Variants in PSTPIP2 observed in about 807,000 individuals in gnomAD.
The protein encoded by PSTPIP2 is proline-serine-threonine phosphatase-interacting protein 2.
Under a neutral mutation model 63.3 loss-of-function variants are expected in PSTPIP2, and 33 were observed. The ratio of observed to expected loss-of-function variants is 0.52; its 90% CI spans 0.40 to 0.70. The LOEUF (loss-of-function observed/expected upper bound fraction) is 0.70. Ranked by LOEUF, PSTPIP2 falls within the 30% of genes least tolerant of loss-of-function variation. The probability of loss-of-function intolerance (pLI) is 0.00; values close to 1 mark genes in which losing one functional copy is unlikely to be tolerated. For synonymous variants in PSTPIP2, 125 were observed against 132.7 expected, an observed-to-expected ratio of 0.94 and a Z score of 0.40; for missense variants, 312 against 400.7, an observed-to-expected ratio of 0.78 and a Z score of 1.89.
At chr18:46,064,615 T>C (rs889742055) in intron 1 of PSTPIP2, among the ~76,000 whole-genome samples, 2 of 151,934 alleles carry the variant, frequency 1.3e-5, no homozygotes. Flanking sequence ...GTCTGGTTTC[T>C]TAATGGAGTA....
intron 3 of PSTPIP2, among the ~76,000 whole-genome samples, chr18:46,023,741 C>T (rs1173991292): frequency 6.6e-6 from 1 of 151,942 alleles, no homozygotes. Flanking sequence ...GCTATCAACA[C>T]TTGCAGAGAC....
chr18:46,059,471 A>G (rs989881177), intron 1 of PSTPIP2, among the ~76,000 whole-genome samples: 1 of 151,728 alleles, frequency 6.6e-6, no homozygotes, highest in African/African-American at 2.4e-5. Context: ...CTGGTCTGGA[A>G]CTCCTGACCT....
chr18:46,038,862 C>A (rs1340906824), intron 2 of PSTPIP2, among the ~76,000 whole-genome samples: 9 of 152,156 alleles, frequency 5.9e-5, no homozygotes, highest in Non-Finnish European at 1.2e-4. Context: ...AGAGGCAGGG[C>A]GTGGTGGCTC....
intron 1 of PSTPIP2, among the ~76,000 whole-genome samples, chr18:46,063,102 A>C (rs559423908): frequency 6.6e-6 from 1 of 152,252 alleles, no homozygotes; most frequent in African/African-American, 2.4e-5. Context: ...GCATGGACTC[A>C]AGTGATCCTT....
intron 1 of PSTPIP2, among the ~76,000 whole-genome samples, chr18:46,050,262 G>A (rs1908540667): frequency 6.6e-6 from 1 of 152,174 alleles, no homozygotes; most frequent in Admixed American, 6.5e-5. Flanking sequence ...AGGATGTTCA[G>A]TGCAGCATCA....
At chr18:46,029,535 T>C (rs754845790) in intron 2 of PSTPIP2, 13 of 807,750 alleles carry the variant, frequency 1.6e-5, no homozygotes, top group South Asian at 1.6e-4. Flanking sequence ...GTGGTTCTAA[T>C]TGTGGAGCAG....
intron 2 of PSTPIP2, among the ~76,000 whole-genome samples, chr18:46,031,631 A>G (rs1907789127): frequency 6.6e-6 from 1 of 152,222 alleles, no homozygotes; most frequent in African/African-American, 2.4e-5. Context: ...TTTTACATGT[A>G]AAAAGATGTT....
At chr18:46,018,457 C>T (rs1330240924) in intron 3 of PSTPIP2, among the ~76,000 whole-genome samples, 5 of 152,010 alleles carry the variant, frequency 3.3e-5, no homozygotes, top group Non-Finnish European at 7.4e-5. Flanking sequence ...CAACTTCTGC[C>T]TCCTGGGTTC....
Position 46,011,024 on chromosome 18 carries a change from C to T in PSTPIP2, c.354+157G>A, listed in dbSNP as rs687526. The T allele has an allele frequency of 0.13, 82,026 of 640,544 alleles. 7,807 individuals carry two copies. The highest frequency in any genetic ancestry group is 0.41 in the East Asian group (15,135 of 37,334). The allele number at this position is 640,544 out of a possible 1,614,324, so 39.7% of individuals were successfully genotyped here. On this transcript the variant is annotated intron_variant, in intron 5 of 14. Transcript: ENST00000409746. The stretch of plus-strand genomic sequence containing the variant: ...CCTGGGGTGTAGAAATGCATATACC[C>T]ATCTGGACTGAGTCCCCATGTGGGG...
intron 2 of PSTPIP2, among the ~76,000 whole-genome samples, chr18:46,031,570 T>C (rs2144103029): frequency 6.6e-6 from 1 of 152,332 alleles, no homozygotes; most frequent in African/African-American, 2.4e-5. Context: ...GAATCTCTGT[T>C]CACTGTATCT....
intron 5 of PSTPIP2, among the ~76,000 whole-genome samples, chr18:46,009,405 G>A (rs1189544546): frequency 1.5e-5 from 2 of 136,680 alleles, no homozygotes; most frequent in African/African-American, 2.8e-5. Context: ...AGCTAAATAC[G>A]GAAGTGGTAA....
chr18:46,044,995 A>G (rs976890817), intron 1 of PSTPIP2, among the ~76,000 whole-genome samples: 8 of 152,242 alleles, frequency 5.3e-5, no homozygotes, highest in Admixed American at 2.6e-4. Flanking sequence ...CAATCTTTAA[A>G]AAGTCAGGAA....
At chr18:46,047,678 G>A (rs777973160) in intron 1 of PSTPIP2, among the ~76,000 whole-genome samples, 8 of 150,788 alleles carry the variant, frequency 5.3e-5, no homozygotes, top group African/African-American at 1.5e-4. Flanking sequence ...CAACAAGAGC[G>A]AAATTCCATC....
chr18:46,002,782 C>CA (rs893423000), intron 6 of PSTPIP2, among the ~76,000 whole-genome samples: 17 of 151,330 alleles, frequency 1.1e-4, no homozygotes, highest in Non-Finnish European at 2.2e-4. Flanking sequence ...ATTGTGAGAC[C>CA]CCCCCATCTC....
Position 45,997,822 on chromosome 18 carries a change from G to C in PSTPIP2, c.569C>G (p.Ala190Gly), listed in dbSNP as rs776666191. 1 of 1,603,372 alleles carries C rather than the reference G, an allele frequency of 6.2e-7. No individual in the cohort carries two copies. The highest frequency in any genetic ancestry group is 2.3e-5 in the East Asian group (1 of 44,368). ...CAGGGTGCCGATGTGCAGCATGTATGCTTTGTCTGCAACAGAAGGGAGAGA... is the reference window on the plus strand; with the variant it reads ...CAGGGTGCCGATGTGCAGCATGTATCCTTTGTCTGCAACAGAAGGGAGAGA... Reference protein sequence around the residue: ...SKTAVEDSDKAYMLHIGTLDK... With the variant: ...SKTAVEDSDKGYMLHIGTLDK... Residue 190 changes from alanine to glycine, a missense_variant, in exon 9 of 15, where the codon GCA becomes GGA. Transcript: ENST00000409746.
chr18:45,990,230 A>G (rs182091039), intron 13 of PSTPIP2, among the ~76,000 whole-genome samples: 112 of 152,310 alleles, frequency 7.4e-4, no homozygotes, highest in African/African-American at 2.6e-3. Context: ...ATTATCTTGG[A>G]TAAGCTATAA....
At chr18:46,062,088 A>T (rs549498340) in intron 1 of PSTPIP2, among the ~76,000 whole-genome samples, 77 of 152,286 alleles carry the variant, frequency 5.1e-4, no homozygotes, top group African/African-American at 1.8e-3. Context: ...ACTCAGCAAA[A>T]CTAAGCTCAG....
chr18:46,040,883 C>A, intron 1 of PSTPIP2: 1 of 394,042 alleles, frequency 2.5e-6, no homozygotes, highest in Non-Finnish European at 5.1e-6. Context: ...TACTGAAGCC[C>A]AAATTCAGGC....
rs140873677 is a variant in PSTPIP2, at chr18:46,055,532, T to A, written c.34-15485A>T. 2.0e-3 allele frequency among the ~76,000 whole-genome samples: 302 copies of A among 152,258 alleles called. 1 individual carries two copies. Among genetic ancestry groups the A allele is most frequent in the African/African-American group, 6.8e-3 (281 of 41,550 alleles). ...TGAGGTTTCATGATGTTGCCCAGGT[T>A]GGTCTCAAACTCCTAGGCTCAAGCG... On this transcript the variant is annotated intron_variant, in intron 1 of 14. Transcript: ENST00000409746.
Sources: gnomAD v4.1 joint callset for allele counts (sites outside exome capture counted in the v4.1 genomes callset) on GRCh38, gnomAD v4.1.1 for gene constraint, MANE v1.5 for transcripts, NCBI Gene and HGNC (gene_info 2026-07-23, HGNC 2026-07-21) for gene names.